Variants in UNC5D observed in about 807,000 individuals in gnomAD.
The protein encoded by UNC5D is unc-5 netrin receptor D, also known as netrin receptor UNC5D.
Under a neutral mutation model 105.4 loss-of-function variants are expected in UNC5D, and 39 were observed. The ratio of observed to expected loss-of-function variants is 0.37; its 90% CI spans 0.29 to 0.48. UNC5D has a LOEUF of 0.48. Ranked by LOEUF, UNC5D falls within the 20% of genes least tolerant of loss-of-function variation. The pLI, the probability that UNC5D is intolerant of heterozygous loss-of-function variation, is 0.98. For missense variants in UNC5D, 991 were observed against 1,202.4 expected (o/e 0.82, Z 2.60); for synonymous variants, 452 against 450.4 (o/e 1.00, Z -0.04).
intron 1 of UNC5D, among the ~76,000 whole-genome samples, chr8:35,371,972 G>T (rs1802451344): frequency 6.6e-6 from 1 of 152,162 alleles, no homozygotes; most frequent in Non-Finnish European, 1.5e-5. Context: ...ATCACGACAT[G>T]GCGGCATCTG....
chr8:35,236,944 C>G (rs537810420), intron 1 of UNC5D, among the ~76,000 whole-genome samples: 48 of 152,198 alleles, frequency 3.2e-4, no homozygotes, highest in African/African-American at 9.9e-4. Context: ...CTGAGCTGAC[C>G]ACTTCACCTG....
Position 35,581,337 on chromosome 8 carries a change from C to T in UNC5D, c.466+13096C>T, listed in dbSNP as rs1169354898. ...CTGATCATGCTCAGCCTTAATGTGG[C>T]ACCTTGTCTCCCAAATTCTTCATCT... On this transcript the variant is annotated intron_variant, in intron 3 of 16. Coordinates refer to ENST00000404895, the MANE Select transcript of UNC5D (RefSeq NM_080872.4). 3.3e-5 allele frequency among the ~76,000 whole-genome samples: 5 copies of T among 152,112 alleles called. No individual in the cohort carries two copies. The East Asian group carries it at 9.6e-4, about 29-fold the overall frequency.
intron 1 of UNC5D, chr8:35,525,641 T>C: frequency 1.9e-6 from 3 of 1,613,448 alleles, no homozygotes; most frequent in Middle Eastern, 1.8e-4. Context: ...AGGGACATTT[T>C]AAAGCCAGCA....
chr8:35,397,462 C>A (rs997713715), intron 1 of UNC5D, among the ~76,000 whole-genome samples: 1 of 152,224 alleles, frequency 6.6e-6, no homozygotes, highest in African/African-American at 2.4e-5. Flanking sequence ...ACTATGTTAA[C>A]CTTTTTTTGC....
intron 1 of UNC5D, among the ~76,000 whole-genome samples, chr8:35,406,004 T>C (rs1804778466): frequency 6.6e-6 from 1 of 152,190 alleles, no homozygotes; most frequent in Non-Finnish European, 1.5e-5. Context: ...CTGAGTATGC[T>C]AAATTTGTTA....
At chr8:35,592,424 G>C (rs1282490798) in intron 3 of UNC5D, among the ~76,000 whole-genome samples, 1 of 152,088 alleles carries the variant, frequency 6.6e-6, no homozygotes, top group Non-Finnish European at 1.5e-5. Flanking sequence ...AATTGGATCA[G>C]TTCCTGTCCG....
At chr8:35,360,588 C>T (rs775051792) in intron 1 of UNC5D, among the ~76,000 whole-genome samples, 1 of 152,084 alleles carries the variant, frequency 6.6e-6, no homozygotes, top group South Asian at 2.1e-4. Context: ...CCAGTCATTA[C>T]TTGGAAGGAA....
At position 35,796,369 on chromosome 8, in the gene UNC5D, A is replaced by G. The variant is rs1280808500; in HGVS notation, c.*5806A>G. On this transcript the variant is annotated 3_prime_UTR_variant, in exon 17 of 17. Coordinates refer to ENST00000404895, the MANE Select transcript of UNC5D (RefSeq NM_080872.4). ...ATACATATATATTTGGTAATGCCAAACAGCTCTGTTATATTGTATTGAACA... is the reference window on the plus strand; with the variant it reads ...ATACATATATATTTGGTAATGCCAAGCAGCTCTGTTATATTGTATTGAACA... 3.3e-5 allele frequency: 5 copies of G among 149,768 alleles called. No individual in the cohort carries two copies. The highest frequency in any genetic ancestry group is 7.4e-5 in the Non-Finnish European group (5 of 67,754). 9.3% of individuals were successfully genotyped at this position (149,768 alleles called of 1,614,324 possible).
intron 1 of UNC5D, among the ~76,000 whole-genome samples, chr8:35,427,714 A>G (rs1806345615): frequency 6.6e-6 from 1 of 152,206 alleles, no homozygotes; most frequent in Non-Finnish European, 1.5e-5. Context: ...ATATATTAAT[A>G]TACTGATCAG....
intron 7 of UNC5D, among the ~76,000 whole-genome samples, chr8:35,699,256 G>T (rs1827007921): frequency 6.6e-6 from 1 of 152,042 alleles, no homozygotes; most frequent in African/African-American, 2.4e-5. Context: ...TATTTGTCCA[G>T]TCCCCCCAGT....
At position 35,773,342 on chromosome 8, in the gene UNC5D, A is replaced by C. The variant is rs563306567; in HGVS notation, c.2479-957A>C. Among the ~76,000 whole-genome samples, 177 of 152,260 alleles carry C rather than the reference A, an allele frequency of 1.2e-3. 2 individuals are homozygous for C. The highest frequency in any genetic ancestry group is 4.0e-3 in the African/African-American group (165 of 41,560). On this transcript the variant is annotated intron_variant, in intron 15 of 16. Coordinates refer to ENST00000404895, the MANE Select transcript of UNC5D (RefSeq NM_080872.4). The stretch of plus-strand genomic sequence containing the variant: ...CAGGAGCCTTCCTGATTATACCACT[A>C]TACAGGCTGGTCTATATGTTACTCT...
chr8:35,775,140 C>T (rs908344081), intron 16 of UNC5D, among the ~76,000 whole-genome samples: 12 of 152,292 alleles, frequency 7.9e-5, no homozygotes, highest in Middle Eastern at 3.4e-3. Flanking sequence ...AAATTTCTCA[C>T]GTCTCCCCTC....
At chr8:35,540,103 A>C (rs921784568) in intron 1 of UNC5D, among the ~76,000 whole-genome samples, 6 of 152,212 alleles carry the variant, frequency 3.9e-5, no homozygotes, top group African/African-American at 1.4e-4. Flanking sequence ...TAACACTTTG[A>C]AAGCAAAACC....
chr8:35,726,734 A>AT, intron 10 of UNC5D: 1 of 731,694 alleles, frequency 1.4e-6, no homozygotes, highest in Non-Finnish European at 2.2e-6. Flanking sequence ...CTCAGCATGG[A>AT]TTGAATGCTC....
rs558984890 is a variant in UNC5D, at chr8:35,239,966, C to T, written c.103+4079C>T. On this transcript the variant is annotated intron_variant, in intron 1 of 16. Transcript: ENST00000404895. ...TCTTTTCTTTTTTGAGACAGGTTCT[C>T]ACTCTGTCATCCAGGCAGGAGTGCA... is the stretch of plus-strand genomic sequence containing the variant. Among the ~76,000 whole-genome samples the T allele has an allele frequency of 4.0e-5, 6 of 151,540 alleles. No individual in the cohort carries two copies. In the East Asian group the frequency reaches 1.2e-3, roughly 29 times the overall value.
At chr8:35,761,027 C>T (rs1801508401) in intron 14 of UNC5D, among the ~76,000 whole-genome samples, 1 of 152,108 alleles carries the variant, frequency 6.6e-6, no homozygotes, top group African/African-American at 2.4e-5. Context: ...TCTCTCATTC[C>T]CCTGAACACT....
intron 13 of UNC5D, 65 bp from the exon 14 acceptor site, chr8:35,759,255 A>G (rs1830649719): frequency 6.4e-7 from 1 of 1,558,254 alleles, no homozygotes; most frequent in Non-Finnish European, 8.7e-7. Flanking sequence ...GTATCCCTAG[A>G]TAGGAAATAT....
intron 1 of UNC5D, among the ~76,000 whole-genome samples, chr8:35,504,801 A>T (rs1021077283): frequency 6.6e-6 from 1 of 152,124 alleles, no homozygotes; most frequent in Non-Finnish European, 1.5e-5. Flanking sequence ...GCATCTGTTC[A>T]TGGTGGTTCT....
At chr8:35,250,253 G>A (rs1382405745) in intron 1 of UNC5D, among the ~76,000 whole-genome samples, 1 of 152,116 alleles carries the variant, frequency 6.6e-6, no homozygotes, top group Non-Finnish European at 1.5e-5. Flanking sequence ...GAAGGACCCA[G>A]GGTTTTGTTT....
Sources: gnomAD v4.1 joint callset for allele counts (sites outside exome capture counted in the v4.1 genomes callset) on GRCh38, gnomAD v4.1.1 for gene constraint, MANE v1.5 for transcripts, NCBI Gene and HGNC (gene_info 2026-07-23, HGNC 2026-07-21) for gene names.